Variants in POT1 observed in about 807,000 individuals in gnomAD.
The protein encoded by POT1 is protection of telomeres 1.
POT1 carries 47 observed loss-of-function variants against 78.5 expected under a neutral mutation model. The observed-to-expected ratio is 0.60, with a 90% CI of 0.47 to 0.76. POT1 has a LOEUF of 0.76. Among genes scored for constraint, POT1 ranks in the 30% least tolerant of loss-of-function variants. The pLI is 0.00. For synonymous variants in POT1, 259 were observed against 260.7 expected (o/e 0.99, Z 0.06); for missense variants, 646 against 749.9 (o/e 0.86, Z 1.62).
Position 124,898,328 on chromosome 7 carries a change from G to A in POT1, c.-107C>T, listed in dbSNP as rs1796542546. The A allele has an allele frequency of 6.6e-6, 1 of 151,346 alleles. No individual in the cohort carries two copies. Among genetic ancestry groups the A allele is most frequent in the African/African-American group, 2.4e-5 (1 of 41,250 alleles). 9.4% of individuals were successfully genotyped at this position (151,346 alleles called of 1,614,324 possible). On this transcript the variant is annotated 5_prime_UTR_variant, in exon 4 of 19. Transcript: ENST00000357628. ...GCAAGGTTTACCATCTCTGCTTGTAGATGAAGAAGCTAAAAAAACAATAAA... is the reference window on the plus strand; with the variant it reads ...GCAAGGTTTACCATCTCTGCTTGTAAATGAAGAAGCTAAAAAAACAATAAA...
In POT1 at chr7:124,834,317, C is replaced by G. The variant is rs192965436; in HGVS notation, c.1505+962G>C. ...AGAAACTATCATCAGAGTAAACAGG[C>G]AACCTACAGAATGGGAGGAAATTTT... On this transcript the variant is annotated intron_variant, in intron 15 of 18. Coordinates refer to ENST00000357628, the MANE Select transcript of POT1 (RefSeq NM_015450.3). Among the ~76,000 whole-genome samples the G allele has an allele frequency of 5.3e-4, 81 of 152,082 alleles. 1 individual carries two copies. The East Asian group carries it at 0.012, about 22-fold the overall frequency.
chr7:124,840,993 T>C lies in POT1; in HGVS notation c.1349A>G (p.Glu450Gly). Residue 450 changes from glutamate (E) to glycine (G), a missense_variant, in exon 14 of 19, where the codon GAA (glutamate) becomes GGA (glycine). Glu to Gly is a moderately conservative substitution (Grantham distance 98). This residue lies in a region of POT1 where 394 missense variants were observed against 408.4 expected (regional missense o/e 0.96). Coordinates refer to ENST00000357628, the MANE Select transcript of POT1 (RefSeq NM_015450.3). ...KNNGILPLSN[E>G]CLLLIEGGTL... ...CTTACCTTCTATCAAAAGTAGACAT[T>C]CATTTGAAAGCGGGAGAATACCATT... The C allele has an allele frequency of 1.9e-6, 3 of 1,606,752 alleles. No individual in the cohort carries two copies. Among genetic ancestry groups the C allele is most frequent in the Non-Finnish European group, 2.6e-6 (3 of 1,174,334 alleles).
At chr7:124,888,409 G>C (rs1796295832) in intron 6 of POT1, among the ~76,000 whole-genome samples, 1 of 151,948 alleles carries the variant, frequency 6.6e-6, no homozygotes, top group African/African-American at 2.4e-5. Flanking sequence ...GAAGCCTCCA[G>C]GTTTGATCTT....
intron 2 of POT1, among the ~76,000 whole-genome samples, chr7:124,917,538 CCA>C (rs1016955032): frequency 1.3e-4 from 20 of 152,222 alleles, no homozygotes; most frequent in African/African-American, 4.3e-4. Context: ...AAAAACTACC[CCA>C]GTCTCCACTG....
chr7:124,843,617 G>T (rs1026427618), intron 12 of POT1, among the ~76,000 whole-genome samples: 3 of 152,182 alleles, frequency 2.0e-5, no homozygotes, highest in African/African-American at 2.4e-5. Flanking sequence ...AGGTACAATA[G>T]GTCTCCTCAG....
chr7:124,871,318 C>A (rs145897106), intron 6 of POT1, among the ~76,000 whole-genome samples: 5 of 151,982 alleles, frequency 3.3e-5, no homozygotes, highest in Non-Finnish European at 4.4e-5. Context: ...TTTTCTATTG[C>A]TTCAAGGTTT....
At chr7:124,895,632 C>A (rs1387026615) in intron 5 of POT1, among the ~76,000 whole-genome samples, 1 of 151,622 alleles carries the variant, frequency 6.6e-6, no homozygotes, top group African/African-American at 2.4e-5. Context: ...CAAATAGACC[C>A]TGCACCAATG....
At chr7:124,926,004 T>C (rs920889397) in intron 2 of POT1, among the ~76,000 whole-genome samples, 6 of 152,028 alleles carry the variant, frequency 3.9e-5, no homozygotes, top group African/African-American at 1.4e-4. Context: ...TATAAAAATA[T>C]AGAAGAAAAC....
rs189420268 is a variant in POT1, at chr7:124,830,535, G to T, written c.1506-1193C>A. On this transcript the variant is annotated intron_variant, in intron 15 of 18. Transcript: ENST00000357628. ...AAGACTACGATATTGATTAGCATTA[G>T]ACATTATTAAAGTTAGTATAAAAAT... Among the ~76,000 whole-genome samples, 8 of 152,004 alleles carry T rather than the reference G, an allele frequency of 5.3e-5. No individual in the cohort carries two copies. In the East Asian group the frequency reaches 1.5e-3, roughly 29 times the overall value.
chr7:124,867,657 A>ATTAT (rs1795763297), intron 7 of POT1, among the ~76,000 whole-genome samples: 2 of 149,594 alleles, frequency 1.3e-5, no homozygotes, highest in African/African-American at 5.0e-5. Flanking sequence ...TTTATTTATT[A>ATTAT]TTTTTTTTGG....
At chr7:124,893,860 G>A (rs552368053) in intron 5 of POT1, among the ~76,000 whole-genome samples, 3 of 151,636 alleles carry the variant, frequency 2.0e-5, no homozygotes, top group South Asian at 2.1e-4. Flanking sequence ...AGCTCAGCTC[G>A]TGTCTCCTTA....
intron 3 of POT1, among the ~76,000 whole-genome samples, chr7:124,903,365 A>C (rs1276105109): frequency 6.6e-6 from 1 of 152,230 alleles, no homozygotes; most frequent in East Asian, 1.9e-4. Flanking sequence ...CAGGATTAAG[A>C]AACTTGCTCA....
At chr7:124,865,290 T>C (rs1405348343) in intron 7 of POT1, among the ~76,000 whole-genome samples, 1 of 152,154 alleles carries the variant, frequency 6.6e-6, no homozygotes, top group Non-Finnish European at 1.5e-5. Context: ...TGCGTTTCTT[T>C]GCACATACCC....
chr7:124,828,416 A>G (rs867319068), intron 16 of POT1, among the ~76,000 whole-genome samples: 4 of 152,214 alleles, frequency 2.6e-5, no homozygotes, highest in Non-Finnish European at 4.4e-5. Context: ...TACTCAATTT[A>G]TAGAATGTTT....
At chr7:124,885,111 G>A (rs1017966542) in intron 6 of POT1, among the ~76,000 whole-genome samples, 1 of 151,974 alleles carries the variant, frequency 6.6e-6, no homozygotes, top group African/African-American at 2.4e-5. Flanking sequence ...CAATGACTTT[G>A]TTTTCCTATA....
chr7:124,852,853 A>G, intron 10 of POT1, 119 bp downstream of exon 10: 1 of 874,722 alleles, frequency 1.1e-6, no homozygotes. Context: ...TCATCTATTT[A>G]AAAACATGGC....
At chr7:124,845,773 A>G (rs923668825) in intron 12 of POT1, among the ~76,000 whole-genome samples, 1 of 151,986 alleles carries the variant, frequency 6.6e-6, no homozygotes, top group Non-Finnish European at 1.5e-5. Flanking sequence ...TTTAAGAAAG[A>G]TATTTCCACT....
intron 3 of POT1, among the ~76,000 whole-genome samples, chr7:124,914,594 C>T (rs939013271): frequency 6.6e-6 from 1 of 152,058 alleles, no homozygotes; most frequent in Admixed American, 6.6e-5. Context: ...CCAATTCAGA[C>T]TGAAAAATAT....
chr7:124,836,219 G>A (rs1446723321), intron 14 of POT1, among the ~76,000 whole-genome samples: 1 of 152,028 alleles, frequency 6.6e-6, no homozygotes, highest in Non-Finnish European at 1.5e-5. Flanking sequence ...TTAGAATTCT[G>A]GAAATTACCA....
Sources: gnomAD v4.1 joint callset for allele counts (sites outside exome capture counted in the v4.1 genomes callset) on GRCh38, gnomAD v4.1.1 for gene constraint, gnomAD v4.1.1 regional missense constraint, MANE v1.5 for transcripts, NCBI Gene and HGNC (gene_info 2026-07-23, HGNC 2026-07-21) for gene names.